Variants in RCOR1 observed in about 807,000 individuals in gnomAD.
The protein encoded by RCOR1 is REST corepressor 1.
A neutral mutation model predicts 64.0 loss-of-function variants in RCOR1; 12 were observed. That is an observed-to-expected ratio of 0.19 (90% CI 0.12 to 0.30). RCOR1 has a LOEUF of 0.30. Among genes scored for constraint, RCOR1 ranks in the 10% least tolerant of loss-of-function variants. The probability of loss-of-function intolerance (pLI) is 1.00; values close to 1 mark genes in which losing one functional copy is unlikely to be tolerated. For synonymous variants in RCOR1, 279 were observed against 227.2 expected (o/e 1.23, Z -2.05); for missense variants, 502 against 621.2 (o/e 0.81, Z 2.04).
chr14:102,719,921 A>G (rs1267239450), intron 8 of RCOR1, among the ~76,000 whole-genome samples: 3 of 152,230 alleles, frequency 2.0e-5, no homozygotes. Context: ...AAAGGAATCC[A>G]GTGAACATAA....
At chr14:102,655,375 T>C in intron 2 of RCOR1, 1 of 985,104 alleles carries the variant, frequency 1.0e-6, no homozygotes, top group Non-Finnish European at 1.2e-6. Flanking sequence ...CTCATGGGCA[T>C]TTTTCCCTTT....
chr14:102,691,562 T>C (rs930218347), intron 3 of RCOR1, among the ~76,000 whole-genome samples: 6 of 152,366 alleles, frequency 3.9e-5, no homozygotes, highest in Non-Finnish European at 7.4e-5. Flanking sequence ...TTTAAAAATA[T>C]ATGGCTAGAA....
chr14:102,703,188 T>G (rs1895783062), intron 4 of RCOR1, among the ~76,000 whole-genome samples: 1 of 152,096 alleles, frequency 6.6e-6, no homozygotes, highest in Non-Finnish European at 1.5e-5. Context: ...TGAGAAAAGA[T>G]TGAAGAGTGA....
chr14:102,726,436 C>A (rs1566716043), intron 11 of RCOR1, 32 bp from the exon 12 acceptor site: 1 of 1,475,266 alleles, frequency 6.8e-7, no homozygotes, highest in South Asian at 1.2e-5. Context: ...ACTCTTTGAT[C>A]CTTTTTTTTT....
intron 2 of RCOR1, among the ~76,000 whole-genome samples, chr14:102,634,871 ATTTTTT>A (rs757143284): frequency 7.3e-6 from 1 of 137,490 alleles, no homozygotes; most frequent in Non-Finnish European, 1.6e-5. Flanking sequence ...TAATTTTTGT[ATTTTTT>A]TTTTTTTTTA....
rs188486929 is a variant in RCOR1 at position 102,657,025 on chromosome 14, T to C, written c.362-24870T>C. On this transcript the variant is annotated intron_variant, in intron 2 of 11. Coordinates refer to ENST00000262241, the MANE Select transcript of RCOR1 (RefSeq NM_015156.4). ...CCTGACCTCATGTGATCCACCCGCA[T>C]CAGCCTCCCAAAGTGCTGGGATTAT... The C allele has an allele frequency of 7.9e-5, 72 of 914,182 alleles. No individual in the cohort carries two copies. In the East Asian group the frequency reaches 5.7e-3, roughly 72 times the overall value. The allele number at this position is 914,182 out of a possible 1,614,324, so 56.6% of individuals were successfully genotyped here.
intron 2 of RCOR1, among the ~76,000 whole-genome samples, chr14:102,628,936 G>A (rs1894041416): frequency 6.7e-6 from 1 of 149,932 alleles, no homozygotes; most frequent in African/African-American, 2.5e-5. Context: ...TGTCACCCAG[G>A]CTGGAGTGCA....
intron 11 of RCOR1, among the ~76,000 whole-genome samples, chr14:102,724,408 T>TC (rs1221510807): frequency 2.6e-5 from 4 of 152,010 alleles, no homozygotes; most frequent in Non-Finnish European, 5.9e-5. Context: ...CACTGCAACC[T>TC]CCATCTCCCA....
At chr14:102,653,586 G>C (rs983417898) in intron 2 of RCOR1, among the ~76,000 whole-genome samples, 1 of 152,088 alleles carries the variant, frequency 6.6e-6, no homozygotes, top group Non-Finnish European at 1.5e-5. Flanking sequence ...ATCTTGTGTC[G>C]AATTGTCATC....
chr14:102,597,789 A>C (rs1306401097), intron 2 of RCOR1, among the ~76,000 whole-genome samples: 1 of 150,490 alleles, frequency 6.6e-6, no homozygotes, highest in African/African-American at 2.5e-5. Context: ...GTGTGCCACT[A>C]TGTCTGGCTA....
chr14:102,632,217 GGT>G (rs1491522133), intron 2 of RCOR1, among the ~76,000 whole-genome samples: 2 of 104,474 alleles, frequency 1.9e-5, no homozygotes, highest in African/African-American at 6.9e-5. Flanking sequence ...TCGTTTGTTG[GGT>G]TTTTTTTTTT....
chr14:102,637,180 G>A (rs1403956951), intron 2 of RCOR1, among the ~76,000 whole-genome samples: 1 of 148,636 alleles, frequency 6.7e-6, no homozygotes, highest in Non-Finnish European at 1.5e-5. Context: ...AGGCTGGAGT[G>A]CAGTGGCACA....
At chr14:102,684,668 A>G (rs1213187776) in intron 3 of RCOR1, among the ~76,000 whole-genome samples, 3 of 152,154 alleles carry the variant, frequency 2.0e-5, no homozygotes, top group African/African-American at 7.2e-5. Flanking sequence ...AAATTCACCT[A>G]TTATTCCATC....
chr14:102,715,605 A>G (rs1347141115), intron 8 of RCOR1, among the ~76,000 whole-genome samples: 1 of 140,536 alleles, frequency 7.1e-6, no homozygotes, highest in Non-Finnish European at 1.5e-5. Flanking sequence ...CTGGTCTTGA[A>G]CTCCTGAGCT....
At chr14:102,704,535 A>G (rs147324400) in intron 4 of RCOR1, among the ~76,000 whole-genome samples, 7,431 of 152,186 alleles carry the variant, frequency 0.049, 376 homozygotes, top group African/African-American at 0.13. Context: ...GGGTTCAAAC[A>G]ATTCTCCTGC....
intron 2 of RCOR1, among the ~76,000 whole-genome samples, chr14:102,611,581 AGTTTT>A (rs1448534344): frequency 6.6e-6 from 1 of 151,900 alleles, no homozygotes; most frequent in African/African-American, 2.4e-5. Context: ...AATATTCTTG[AGTTTT>A]GTTCTGAGAT....
chr14:102,696,422 G>C (rs12894649), intron 3 of RCOR1, among the ~76,000 whole-genome samples: 20,558 of 152,194 alleles, frequency 0.14, 2,661 homozygotes, highest in African/African-American at 0.34. Flanking sequence ...ATGGATTCTT[G>C]TGCTTCTGAC....
At position 102,722,352 on chromosome 14, in the gene RCOR1, C is replaced by T; in HGVS notation, c.1355C>T (p.Pro452Leu). The change falls in exon 11 of 12, where the codon CCC (proline) becomes CTC (leucine). Residue 452 changes from proline to leucine, a missense_variant. Transcript: ENST00000262241. ...CATGGTAAAGAAGAGACCAATGGGC[C>T]CAGTAACCAGAAGCCTGTGAAGTCC... The part of the protein sequence containing the change: ...AEHGKEETNG[P>L]SNQKPVKSPD... 2.5e-6 allele frequency: 4 copies of T among 1,614,020 alleles called. No individual in the cohort carries two copies. The highest frequency in any genetic ancestry group is 3.4e-6 in the Non-Finnish European group (4 of 1,180,006).
chr14:102,667,078 A>G (rs906487620), intron 2 of RCOR1, among the ~76,000 whole-genome samples: 6 of 152,158 alleles, frequency 3.9e-5, no homozygotes, highest in Non-Finnish European at 7.3e-5. Flanking sequence ...GCTCATGCCC[A>G]TAATTCCAGC....
Sources: allele counts gnomAD v4.1 joint callset (sites outside exome capture counted in the v4.1 genomes callset), GRCh38; gene constraint gnomAD v4.1.1; transcripts MANE v1.5; gene names NCBI Gene and HGNC (gene_info 2026-07-23, HGNC 2026-07-21).